Variants in NELL1 observed in about 807,000 individuals in gnomAD.
The protein encoded by NELL1 is neural EGFL like 1, also known as protein kinase C-binding protein NELL1.
Under a neutral mutation model 107.4 loss-of-function variants are expected in NELL1, and 76 were observed. The ratio of observed to expected loss-of-function variants is 0.71; its 90% CI spans 0.59 to 0.86. NELL1 has a LOEUF of 0.86. Ranked by LOEUF, NELL1 falls within the 40% of genes least tolerant of loss-of-function variation. The probability of loss-of-function intolerance (pLI) is 0.00; values close to 1 mark genes in which losing one functional copy is unlikely to be tolerated. For missense variants in NELL1, 1,024 were observed against 1,005.5 expected (o/e 1.02, Z -0.25); for synonymous variants, 353 against 341.2 (o/e 1.03, Z -0.38).
intron 12 of NELL1, among the ~76,000 whole-genome samples, chr11:21,057,886 G>T (rs1173434799): frequency 1.3e-5 from 2 of 151,988 alleles, no homozygotes; most frequent in Non-Finnish European, 2.9e-5. Flanking sequence ...TTCCAAACAT[G>T]CTTACATGGT....
At chr11:21,138,431 CTA>C (rs1180416303) in intron 13 of NELL1, among the ~76,000 whole-genome samples, 1 of 152,174 alleles carries the variant, frequency 6.6e-6, no homozygotes, top group Admixed American at 6.5e-5. Context: ...GACAAACCAT[CTA>C]TCACTCAGAG....
chr11:20,989,232 C>T (rs975329913), intron 12 of NELL1, among the ~76,000 whole-genome samples: 6 of 152,140 alleles, frequency 3.9e-5, no homozygotes, highest in African/African-American at 7.2e-5. Flanking sequence ...CTGTGGAACA[C>T]GTGAGGCTTG....
intron 17 of NELL1, among the ~76,000 whole-genome samples, chr11:21,569,334 T>A (rs11600099): frequency 0.26 from 39,935 of 151,872 alleles, 5,646 homozygotes; most frequent in Middle Eastern, 0.36. Flanking sequence ...CTCAGCTACC[T>A]CATTTGAGAA....
chr11:21,333,022 G>A (rs1159302129), intron 14 of NELL1, among the ~76,000 whole-genome samples: 2 of 152,062 alleles, frequency 1.3e-5, no homozygotes, highest in Middle Eastern at 3.4e-3. Flanking sequence ...ACAGGAAAGT[G>A]GTTGAATGTC....
At chr11:20,982,961 G>A (rs535408702) in intron 12 of NELL1, among the ~76,000 whole-genome samples, 2 of 152,178 alleles carry the variant, frequency 1.3e-5, no homozygotes, top group Non-Finnish European at 2.9e-5. Flanking sequence ...TTTTATTAGA[G>A]TGTGGTCAGA....
intron 2 of NELL1, among the ~76,000 whole-genome samples, chr11:20,683,659 G>T (rs967512273): frequency 6.6e-6 from 1 of 152,026 alleles, no homozygotes; most frequent in African/African-American, 2.4e-5. Flanking sequence ...TATAGTGCAG[G>T]TCTGCTGGTG....
chr11:21,071,970 G>A (rs564353573), intron 12 of NELL1, among the ~76,000 whole-genome samples: 45 of 152,162 alleles, frequency 3.0e-4, no homozygotes, highest in African/African-American at 1.1e-3. Context: ...TCATTATGCT[G>A]CCCAATTTGG....
rs138006215 is a variant in NELL1, at chr11:21,280,644, C to G, written c.1549+51190C>G. Among the ~76,000 whole-genome samples the G allele has an allele frequency of 5.5e-3, 833 of 152,188 alleles. 9 individuals are homozygous for G. Among genetic ancestry groups the G allele is most frequent in the African/African-American group, 0.019 (792 of 41,520 alleles). On this transcript the variant is annotated intron_variant, in intron 14 of 19. Coordinates refer to ENST00000357134, the MANE Select transcript of NELL1 (RefSeq NM_006157.5). Reference sequence around the variant, plus strand: ...CCAGCCCACGGAGGGAGTATTTAAACCAGCCCTAGCCAGAGGAGAATCACC... The same window carrying G: ...CCAGCCCACGGAGGGAGTATTTAAAGCAGCCCTAGCCAGAGGAGAATCACC...
chr11:21,301,901 G>T (rs1849498974), intron 14 of NELL1, among the ~76,000 whole-genome samples: 2 of 152,004 alleles, frequency 1.3e-5, no homozygotes, highest in South Asian at 4.1e-4. Context: ...CAGCAATTCT[G>T]TAAGGCAGGT....
intron 15 of NELL1, among the ~76,000 whole-genome samples, chr11:21,405,950 A>C (rs1852224084): frequency 6.6e-6 from 1 of 151,962 alleles, no homozygotes; most frequent in Non-Finnish European, 1.5e-5. Context: ...GGGGAAACTG[A>C]ATTCTGATTT....
intron 13 of NELL1, among the ~76,000 whole-genome samples, chr11:21,168,736 T>C (rs937160997): frequency 6.6e-6 from 1 of 151,712 alleles, no homozygotes; most frequent in African/African-American, 2.4e-5. Context: ...AGCTCATAAG[T>C]TTTTTTTCCC....
At chr11:21,045,063 A>G (rs10766762) in intron 12 of NELL1, among the ~76,000 whole-genome samples, 61,827 of 151,980 alleles carry the variant, frequency 0.41, 15,415 homozygotes, top group African/African-American at 0.7. Flanking sequence ...TGAGCTTAGG[A>G]AAATGATTAA....
At chr11:20,828,346 T>G (rs1210211720) in intron 3 of NELL1, among the ~76,000 whole-genome samples, 1 of 140,754 alleles carries the variant, frequency 7.1e-6, no homozygotes, top group African/African-American at 2.5e-5. Flanking sequence ...TGTTCTACTC[T>G]TGGAATATCT....
At chr11:21,429,710 G>A (rs1426942714) in intron 15 of NELL1, among the ~76,000 whole-genome samples, 1 of 152,134 alleles carries the variant, frequency 6.6e-6, no homozygotes, top group African/African-American at 2.4e-5. Flanking sequence ...TGATGACAAA[G>A]CCTTTACATA....
chr11:21,014,693 T>A (rs1384073927), intron 12 of NELL1, among the ~76,000 whole-genome samples: 2 of 152,128 alleles, frequency 1.3e-5, no homozygotes, highest in African/African-American at 4.8e-5. Flanking sequence ...ACCCAGTGTC[T>A]AACATGGTGC....
At chr11:20,734,608 A>G (rs1392781841) in intron 2 of NELL1, among the ~76,000 whole-genome samples, 1 of 152,210 alleles carries the variant, frequency 6.6e-6, no homozygotes, top group Non-Finnish European at 1.5e-5. Flanking sequence ...TGGTATTACC[A>G]TTGGAAAGAC....
chr11:20,786,885 G>GTA (rs1554920587), intron 3 of NELL1, among the ~76,000 whole-genome samples: 1 of 151,488 alleles, frequency 6.6e-6, no homozygotes, highest in Non-Finnish European at 1.5e-5. Flanking sequence ...GCGGGCGCCT[G>GTA]TAGTCCCAGC....
intron 15 of NELL1, among the ~76,000 whole-genome samples, chr11:21,493,704 G>A (rs1158114126): frequency 2.0e-5 from 3 of 152,008 alleles, no homozygotes; most frequent in Non-Finnish European, 4.4e-5. Context: ...GGTGACTATA[G>A]TTAGCAAGAA....
At chr11:21,079,590 G>A (rs1000966365) in intron 12 of NELL1, among the ~76,000 whole-genome samples, 5 of 151,980 alleles carry the variant, frequency 3.3e-5, no homozygotes, top group Non-Finnish European at 5.9e-5. Flanking sequence ...ACTGAGAAAC[G>A]TCTAGTAAAG....
Sources: gnomAD v4.1 joint callset for allele counts (sites outside exome capture counted in the v4.1 genomes callset) on GRCh38, gnomAD v4.1.1 for gene constraint, MANE v1.5 for transcripts, NCBI Gene and HGNC (gene_info 2026-07-23, HGNC 2026-07-21) for gene names.